The following DMD variants were observed in gnomAD, a reference collection of about 807,000 sequenced individuals.
DMD encodes the protein mutant dystrophin.
A neutral mutation model predicts 330.1 loss-of-function variants in DMD; 63 were observed. That is an observed-to-expected ratio of 0.19 (90% confidence interval 0.16 to 0.24). DMD has a LOEUF of 0.24. Ranked by LOEUF, DMD falls within the 10% of genes least tolerant of loss-of-function variation. The pLI is 1.00. For missense variants in DMD, 3,344 were observed against 2,684.1 expected (o/e 1.25, Z -5.43); for synonymous variants, 1,223 against 959.8 (o/e 1.27, Z -5.07).
rs1465289612 is a variant in DMD at position 33,261,341 on chromosome X, G to A, written c.7+77918C>T. 3.6e-5 allele frequency among the ~76,000 whole-genome samples: 4 copies of A among 110,705 alleles called. No individual in the cohort carries two copies. The Admixed American group carries it at 3.9e-4, about 11-fold the overall frequency. ...AAAAAAGAAAGAGTGTTATAACACA[G>A]TAGGACTTAGACACAATCTTGGCAC... On this transcript the variant is annotated intron_variant, in intron 1 of 17. Transcript: ENST00000288447.
chrX:31,175,638 C>T (rs1185348084), intron 71 of DMD, among the ~76,000 whole-genome samples: 2 of 110,913 alleles, frequency 1.8e-5, no homozygotes, highest in Non-Finnish European at 3.8e-5. Flanking sequence ...GCAAAGCCTT[C>T]TAAAACACTT....
Position 31,689,111 on chromosome X carries a change from C to T in DMD, c.7661-9525G>A, listed in dbSNP as rs1032271445. Among the ~76,000 whole-genome samples the T allele has an allele frequency of 5.4e-5, 6 of 111,612 alleles. No individual in the cohort carries two copies. In the Admixed American group the frequency reaches 5.7e-4, roughly 11 times the overall value. On this transcript the variant is annotated intron_variant, in intron 52 of 78. Transcript: ENST00000357033. The stretch of plus-strand genomic sequence containing the variant: ...CCTATTCAACATAGTGTTGGAAGTT[C>T]TGGCCAGGGCGATCAGGCAGGAAAA...
intron 1 of DMD, among the ~76,000 whole-genome samples, chrX:33,144,977 G>C (rs1317420476): frequency 9.0e-6 from 1 of 111,677 alleles, no homozygotes; most frequent in Admixed American, 9.6e-5. Context: ...CTCTTACCAA[G>C]TTGAAATACG....
intron 7 of DMD, among the ~76,000 whole-genome samples, chrX:32,750,637 G>C (rs1379973278): frequency 2.7e-5 from 3 of 110,400 alleles, no homozygotes; most frequent in Non-Finnish European, 3.8e-5. Flanking sequence ...CCAAGCTGAA[G>C]ACAGTTAAAG....
At position 31,444,346 on chromosome X, in the gene DMD, T is replaced by C. The variant is rs2065136770; in HGVS notation, c.9084+135A>G. On this transcript the variant is annotated intron_variant, in intron 60 of 78. Coordinates refer to ENST00000357033, the MANE Select transcript of DMD (RefSeq NM_004006.3). ...AAATGTTTAGATGGGAATTATAAACTAATATAAAATATCCTATCCTCACAA... is the reference window on the plus strand; with the variant it reads ...AAATGTTTAGATGGGAATTATAAACCAATATAAAATATCCTATCCTCACAA... 3 of 726,074 alleles carry C rather than the reference T, an allele frequency of 4.1e-6. No individual in the cohort carries two copies. The East Asian group carries it at 1.0e-4, about 25-fold the overall frequency. 59.8% of individuals were successfully genotyped at this position (726,074 alleles called of 1,213,427 possible).
chrX:32,931,674 T>C (rs1264588970), intron 2 of DMD, among the ~76,000 whole-genome samples: 1 of 111,633 alleles, frequency 9.0e-6, no homozygotes, highest in Non-Finnish European at 1.9e-5. Flanking sequence ...GTTAATTTTA[T>C]AGGGGGTTGA....
At chrX:31,148,600 C>T (rs751529018) in intron 74 of DMD, among the ~76,000 whole-genome samples, 1 of 112,303 alleles carries the variant, frequency 8.9e-6, no homozygotes, top group East Asian at 2.8e-4. Flanking sequence ...TTAGCAACAT[C>T]TTCAACATTG....
chrX:32,659,648 G>A (rs1429829563), intron 9 of DMD, among the ~76,000 whole-genome samples: 9 of 110,939 alleles, frequency 8.1e-5, no homozygotes, highest in Non-Finnish European at 1.5e-4. Flanking sequence ...ACAATAATGT[G>A]TCTCTTAGCA....
chrX:33,099,280 G>A (rs1047374002), intron 1 of DMD, among the ~76,000 whole-genome samples: 3 of 110,785 alleles, frequency 2.7e-5, no homozygotes, highest in Non-Finnish European at 5.7e-5. Flanking sequence ...AGCTCTTGTT[G>A]GGCGGTCTCT....
At chrX:31,601,980 T>G (rs2077391167) in intron 55 of DMD, among the ~76,000 whole-genome samples, 1 of 111,698 alleles carries the variant, frequency 9.0e-6, no homozygotes, top group South Asian at 3.8e-4. Context: ...ACAGACTTAT[T>G]TTAATATACT....
chrX:32,528,741 A>C (rs113106409), intron 17 of DMD, among the ~76,000 whole-genome samples: 2,519 of 110,388 alleles, frequency 0.023, 52 homozygotes, highest in Admixed American at 0.075. Context: ...AAACTTTGGT[A>C]TCCACAATGT....
At chrX:31,364,651 A>C (rs901015574) in intron 60 of DMD, among the ~76,000 whole-genome samples, 1 of 112,299 alleles carries the variant, frequency 8.9e-6, no homozygotes. Context: ...GTTGCTCAAG[A>C]ACCACAAAGC....
intron 45 of DMD, among the ~76,000 whole-genome samples, chrX:31,945,991 T>C (rs1317993670): frequency 8.9e-6 from 1 of 111,979 alleles, no homozygotes; most frequent in Non-Finnish European, 1.9e-5. Flanking sequence ...AAAGAAGCAA[T>C]AATAACAATA....
chrX:31,843,329 A>C (rs2093351732), intron 48 of DMD, among the ~76,000 whole-genome samples: 1 of 111,994 alleles, frequency 8.9e-6, no homozygotes, highest in African/African-American at 3.2e-5. Flanking sequence ...GTACACTCCC[A>C]CCAACAGCGT....
chrX:31,198,361 G>C (rs1198784966), intron 67 of DMD, among the ~76,000 whole-genome samples: 1 of 111,290 alleles, frequency 9.0e-6, no homozygotes, highest in African/African-American at 3.3e-5. Context: ...TGGTCCTACA[G>C]GTGCGTGCTA....
chrX:33,063,488 G>A (rs2094605825), intron 1 of DMD, among the ~76,000 whole-genome samples: 2 of 111,760 alleles, frequency 1.8e-5, no homozygotes, highest in Admixed American at 9.6e-5. Context: ...CCTAGAATGA[G>A]GGTAAGGCTC....
At chrX:31,529,918 C>T (rs952878562) in intron 55 of DMD, among the ~76,000 whole-genome samples, 4 of 106,904 alleles carry the variant, frequency 3.7e-5, no homozygotes, top group South Asian at 4.0e-4. Flanking sequence ...AAAAAGAATG[C>T]GAGTGAATGT....
intron 74 of DMD, among the ~76,000 whole-genome samples, chrX:31,149,803 T>G (rs183546807): frequency 1.8e-5 from 2 of 112,211 alleles, no homozygotes; most frequent in South Asian, 3.7e-4. Flanking sequence ...TGTTTTGTAA[T>G]TCTTACTGTG....
intron 60 of DMD, among the ~76,000 whole-genome samples, chrX:31,349,380 C>A (rs2058268401): frequency 8.9e-6 from 1 of 112,385 alleles, no homozygotes. Context: ...GAGATCACGC[C>A]ACTGTACTCC....
Sources: gnomAD v4.1 joint callset for allele counts (sites outside exome capture counted in the v4.1 genomes callset) on GRCh38, gnomAD v4.1.1 for gene constraint, MANE v1.5 for transcripts, NCBI Gene and HGNC (gene_info 2026-07-23, HGNC 2026-07-21) for gene names.